The following RPS6KC1 variants were observed in gnomAD, a reference collection of about 807,000 sequenced individuals.
The protein encoded by RPS6KC1 is inactive ribosomal protein S6 kinase delta-1.
RPS6KC1 carries 54 observed loss-of-function variants against 103.8 expected under a neutral mutation model. The observed-to-expected ratio is 0.52, with a 90% CI of 0.42 to 0.65. The LOEUF (loss-of-function observed/expected upper bound fraction) is 0.65, where lower values mean the gene tolerates loss of function less well. Ranked by LOEUF, RPS6KC1 falls within the 30% of genes least tolerant of loss-of-function variation. The pLI is 0.00. For synonymous variants in RPS6KC1, 439 were observed against 438.7 expected, an observed-to-expected ratio of 1.00 and a Z score of -0.01; for missense variants, 1,151 against 1,253.8, an observed-to-expected ratio of 0.92 and a Z score of 1.24.
At chr1:213,605,396 T>G in the RPS6KC1 span, among the ~76,000 whole-genome samples, 1 of 152,244 alleles carries the variant, frequency 6.6e-6, no homozygotes, top group African/African-American at 2.4e-5. Flanking sequence ...ACACAGTGCT[T>G]CTTTTTATCC....
chr1:213,649,545 C>T, the RPS6KC1 span, among the ~76,000 whole-genome samples: 3 of 152,122 alleles, frequency 2.0e-5, no homozygotes, highest in East Asian at 1.9e-4. Context: ...ACCTGGCAAG[C>T]GGCACTTATT....
the RPS6KC1 span, among the ~76,000 whole-genome samples, chr1:213,855,773 T>C: frequency 6.6e-6 from 1 of 152,260 alleles, no homozygotes; most frequent in Non-Finnish European, 1.5e-5. Flanking sequence ...TTTCCTGGCA[T>C]GGTGACAGAC....
chr1:213,742,121 T>G, the RPS6KC1 span, among the ~76,000 whole-genome samples: 3 of 152,122 alleles, frequency 2.0e-5, no homozygotes, highest in Non-Finnish European at 4.4e-5. Flanking sequence ...TCTCCACGAG[T>G]GCTCCTAGAT....
chr1:213,545,411 T>TAAACAAATAAATA, the RPS6KC1 span, among the ~76,000 whole-genome samples: 1 of 75,256 alleles, frequency 1.3e-5, no homozygotes, highest in Non-Finnish European at 3.1e-5. Context: ...AATAAATAAA[T>TAAACAAATAAATA]AAATAAAATA....
At chr1:213,673,083 G>A in the RPS6KC1 span, among the ~76,000 whole-genome samples, 1 of 152,200 alleles carries the variant, frequency 6.6e-6, no homozygotes, top group Non-Finnish European at 1.5e-5. Flanking sequence ...TAGACCTGAA[G>A]CTACTAAGAC....
the RPS6KC1 span, among the ~76,000 whole-genome samples, chr1:213,483,377 C>A: frequency 1.3e-5 from 2 of 152,106 alleles, no homozygotes; most frequent in Non-Finnish European, 2.9e-5. Context: ...AGTATTATTC[C>A]TTTTTTATGG....
In RPS6KC1 at chr1:213,052,262, T is replaced by A. The variant is rs1053210992; in HGVS notation, c.105+753T>A. On this transcript the variant is annotated intron_variant, in intron 1 of 14. Transcript: ENST00000366960. ...TAAGTATATATGTATGTGACGTATG[T>A]GTGCATGAATATATGTGTATAGTAG... is the stretch of plus-strand genomic sequence containing the variant. Among the ~76,000 whole-genome samples, 4 of 152,370 alleles carry A rather than the reference T, an allele frequency of 2.6e-5. No individual in the cohort carries two copies. In the South Asian group the frequency reaches 6.2e-4, roughly 24 times the overall value.
At chr1:213,144,238 A>G (rs1448678725) in intron 6 of RPS6KC1, among the ~76,000 whole-genome samples, 2 of 152,078 alleles carry the variant, frequency 1.3e-5, no homozygotes, top group Non-Finnish European at 2.9e-5. Context: ...CATAAATAGC[A>G]TAAGCATATT....
intron 8 of RPS6KC1, among the ~76,000 whole-genome samples, chr1:213,226,910 A>C (rs1369166596): frequency 6.6e-6 from 1 of 152,222 alleles, no homozygotes; most frequent in East Asian, 1.9e-4. Flanking sequence ...CAAAATTCAG[A>C]AATAAATAGT....
chr1:213,360,946 C>T, the RPS6KC1 span, among the ~76,000 whole-genome samples: 354 of 152,310 alleles, frequency 2.3e-3, 1 homozygote, highest in African/African-American at 8.2e-3. Context: ...TACTCGGCTG[C>T]GTGAGGTGTC....
At chr1:213,602,026 TTCTCTTTC>T in the RPS6KC1 span, among the ~76,000 whole-genome samples, 656 of 16,708 alleles carry the variant, frequency 0.039, 136 homozygotes, top group East Asian at 0.17. Flanking sequence ...CTTTCTTTCT[TTCTCTTTC>T]TCTTTCTTTC....
At chr1:213,811,686 G>A in the RPS6KC1 span, among the ~76,000 whole-genome samples, 1 of 152,188 alleles carries the variant, frequency 6.6e-6, no homozygotes, top group Non-Finnish European at 1.5e-5. Context: ...CTGGAGACAG[G>A]AAAGTTCCCT....
the RPS6KC1 span, among the ~76,000 whole-genome samples, chr1:213,458,262 G>A: frequency 3.9e-5 from 6 of 152,124 alleles, no homozygotes; most frequent in African/African-American, 1.4e-4. Context: ...TTGGTTTTCT[G>A]TTCCTACATT....
chr1:213,839,578 C>T, the RPS6KC1 span, among the ~76,000 whole-genome samples: 1 of 152,140 alleles, frequency 6.6e-6, no homozygotes, highest in Non-Finnish European at 1.5e-5. Context: ...CTCTCCTCGC[C>T]TCTCATGTGC....
chr1:213,365,951 A>G, the RPS6KC1 span, among the ~76,000 whole-genome samples: 2 of 152,364 alleles, frequency 1.3e-5, no homozygotes, highest in South Asian at 4.1e-4. Context: ...GATTTGGCCC[A>G]TGGATTGAAG....
At chr1:213,600,789 C>G in the RPS6KC1 span, among the ~76,000 whole-genome samples, 1 of 152,240 alleles carries the variant, frequency 6.6e-6, no homozygotes, top group Non-Finnish European at 1.5e-5. Flanking sequence ...GAGAAGATTA[C>G]TTTCCTTGAT....
chr1:213,400,545 A>G, the RPS6KC1 span, among the ~76,000 whole-genome samples: 2 of 152,154 alleles, frequency 1.3e-5, no homozygotes, highest in East Asian at 1.9e-4. Context: ...TGCCCCTTCC[A>G]GAGATGAGGA....
At chr1:213,579,182 CT>C in the RPS6KC1 span, among the ~76,000 whole-genome samples, 1 of 152,104 alleles carries the variant, frequency 6.6e-6, no homozygotes, top group Non-Finnish European at 1.5e-5. Context: ...GCTTTTGCTC[CT>C]CCTTTGCCTT....
intron 14 of RPS6KC1, among the ~76,000 whole-genome samples, chr1:213,267,752 TCA>T (rs2094945293): frequency 6.6e-6 from 1 of 151,326 alleles, no homozygotes; most frequent in African/African-American, 2.4e-5. Context: ...TAAGTAGAAG[TCA>T]CAAGTTGAAT....
Sources: allele counts gnomAD v4.1 joint callset (sites outside exome capture counted in the v4.1 genomes callset), GRCh38; gene constraint gnomAD v4.1.1; transcripts MANE v1.5; gene names NCBI Gene and HGNC (gene_info 2026-07-23, HGNC 2026-07-21).